The following PSD variants were observed in gnomAD, a reference collection of about 807,000 sequenced individuals.
PSD encodes the protein PH and SEC7 domain-containing protein 1.
In PSD, 32 loss-of-function variants were observed where a neutral mutation model predicts 91.6. The ratio of observed to expected loss-of-function variants is 0.35; its 90% CI spans 0.26 to 0.47. The LOEUF (loss-of-function observed/expected upper bound fraction) is 0.47, where lower values mean the gene tolerates loss of function less well. PSD is among the 20% of genes least tolerant of loss of function. The pLI is 1.00. For missense variants in PSD, 1,099 were observed against 1,373.9 expected (o/e 0.80, Z 3.16); for synonymous variants, 532 against 569.3 (o/e 0.93, Z 0.93).
At position 102,409,260 on chromosome 10, in the gene PSD, G is replaced by T; in HGVS notation, c.2091+1598C>A. On this transcript the variant is annotated intron_variant, in intron 10 of 16. Transcript: ENST00000020673. This position sits in a 1 kb window ranked among gnomAD's most constrained non-coding sequence, Gnocchi z 5.7. ...GACGCACGGAGTGCGCGGCGGCGGC[G>T]GCGGCGCTGTCTGCTCTGCGGCTTG... is the stretch of plus-strand genomic sequence containing the variant. 6.1e-6 allele frequency: 6 copies of T among 985,294 alleles called. No homozygotes were observed. Among genetic ancestry groups the T allele is most frequent in the African/African-American group, 1.7e-5 (1 of 57,234 alleles). The allele number at this position is 985,294 out of a possible 1,614,324, so 61.0% of individuals were successfully genotyped here. A position where few individuals can be genotyped will look rare whatever the true frequency, so the allele number is the denominator to read the frequency against.
chr10:102,413,162 C>T (rs1417037622), intron 5 of PSD, among the ~76,000 whole-genome samples: 1 of 152,136 alleles, frequency 6.6e-6, no homozygotes, highest in Non-Finnish European at 1.5e-5. Flanking sequence ...CCCAGCTGCT[C>T]TACTCGCAAA....
chr10:102,418,050 CACACACACAA>C (rs1350474547), intron 1 of PSD, among the ~76,000 whole-genome samples: 1 of 87,994 alleles, frequency 1.1e-5, no homozygotes, highest in Non-Finnish European at 2.1e-5. Flanking sequence ...CAGGCACCTA[CACACACACAA>C]ACACACACAC....
chr10:102,416,923 A>G lies in PSD; in HGVS notation c.116T>C (p.Met39Thr), dbSNP rs2135461834. The change falls in exon 2 of 17, where the codon ATG becomes ACG. Residue 39 changes from methionine (M) to threonine (T), a missense_variant. By Grantham distance (81) the Met-to-Thr change is moderately conservative. Around this residue, in one of 3 missense-constraint regions of PSD, gnomAD observed 631 missense variants for 728.8 expected, o/e 0.87. Coordinates refer to ENST00000020673, the MANE Select transcript of PSD (RefSeq NM_002779.5). The surrounding 1 kb of genome is among the most constrained non-coding windows in gnomAD (Gnocchi z 6.0). ...GPVPQSPPAS[M>T]YGSTGSLLRR... ...TAGCAAGGAGCCTGTGCTGCCATAC[A>G]TGCTGGCTGGGGGGCTCTGGGGCAC... 1.2e-6 allele frequency: 2 copies of G among 1,606,584 alleles called. No homozygotes were observed. The highest frequency in any genetic ancestry group is 4.5e-5 in the East Asian group (2 of 44,852).
At chr10:102,406,609 A>G (rs555988117) in intron 11 of PSD, among the ~76,000 whole-genome samples, 124 of 150,292 alleles carry the variant, frequency 8.3e-4, no homozygotes, top group Admixed American at 1.6e-3. Context: ...TCGGGTTCAC[A>G]GCATTCTCCT....
Position 102,410,116 on chromosome 10 carries a change from G to A in PSD, c.2091+742C>T, listed in dbSNP as rs2061409520. On this transcript the variant is annotated intron_variant, in intron 10 of 16. Transcript: ENST00000020673. This position sits in a 1 kb window ranked among gnomAD's most constrained non-coding sequence, Gnocchi z 6.0. The stretch of plus-strand genomic sequence containing the variant: ...GACAATCCTGTGCTGTTACATGTAT[G>A]TAGTGGAGCAGAGACACCTTTGTCC... 6.6e-6 allele frequency among the ~76,000 whole-genome samples: 1 copy of A among 152,228 alleles called. No homozygotes were observed. The highest frequency in any genetic ancestry group is 6.5e-5 in the Admixed American group (1 of 15,294).
upstream of PSD, chr10:102,418,851 TC>T (rs1482836128): frequency 1.1e-5 from 3 of 279,896 alleles, no homozygotes; most frequent in Admixed American, 3.6e-5. Flanking sequence ...GCAACGCTAA[TC>T]CCCCCCACCC....
intron 6 of PSD, 23 bp downstream of exon 6, chr10:102,412,358 C>G (rs751553899): frequency 1.9e-6 from 3 of 1,612,164 alleles, no homozygotes; most frequent in Non-Finnish European, 2.5e-6. Context: ...CCCCCATCCT[C>G]AGTCCCAGCC....
Position 102,404,032 on chromosome 10 carries a change from G to C in PSD, c.2701-47C>G, listed in dbSNP as rs1440863869. The C allele has an allele frequency of 2.7e-6, 4 of 1,482,096 alleles. No homozygotes were observed. In the Admixed American group the frequency reaches 9.0e-5, roughly 34 times the overall value. The allele number at this position is 1,482,096 out of a possible 1,614,324, so 91.8% of individuals were successfully genotyped here. A position where few individuals can be genotyped will look rare whatever the true frequency, so the allele number is the denominator to read the frequency against. On this transcript the variant is annotated intron_variant, in intron 15 of 16. Coordinates refer to ENST00000020673, the MANE Select transcript of PSD (RefSeq NM_002779.5). This position sits in a 1 kb window ranked among gnomAD's most constrained non-coding sequence, Gnocchi z 5.7. ...GGTCATGGTCACTCTGCCCTATACA[G>C]TGCCTCTGCAGATTTTTAAAAAGAT...
In PSD at chr10:102,416,493, C is replaced by T; in HGVS notation, c.546G>A (p.Gln182=). ...NLVHGPPAPP[Q]VGADGLYSSL... is the part of the protein sequence containing the mutation. ...AGGAGTAAAGGCCATCTGCTCCAAC[C>T]TGGGGTGGGGCTGGCGGCCCATGTA... Residue 182 remains glutamine (Q), a synonymous_variant, in exon 2 of 17, where the codon CAG becomes CAA. Coordinates refer to ENST00000020673, the MANE Select transcript of PSD (RefSeq NM_002779.5). The surrounding 1 kb of genome is among the most constrained non-coding windows in gnomAD (Gnocchi z 6.0). 2 of 1,613,398 alleles carry T rather than the reference C, an allele frequency of 1.2e-6. No individual in the cohort carries two copies. The highest frequency in any genetic ancestry group is 1.7e-6 in the Non-Finnish European group (2 of 1,179,746).
At position 102,416,110 on chromosome 10, in the gene PSD, A is replaced by T; in HGVS notation, c.664T>A (p.Trp222Arg). Reference protein sequence around the residue: ...DTGFLNQGDTWSSPREVSSHA... With the variant: ...DTGFLNQGDTRSSPREVSSHA... ...GAGGAGACTTCCCGGGGGGAGGACC[A>T]GGTATCCCCCTGAGCCAACGAGGGA... is the stretch of plus-strand genomic sequence containing the variant. Residue 222 changes from tryptophan (W) to arginine (R), a missense_variant, in exon 3 of 17, where the codon TGG (tryptophan) becomes AGG (arginine). Physicochemically the swap from Trp to Arg is moderately radical, Grantham distance 101. Around this residue, in one of 3 missense-constraint regions of PSD, gnomAD observed 631 missense variants for 728.8 expected, o/e 0.87. Coordinates refer to ENST00000020673, the MANE Select transcript of PSD (RefSeq NM_002779.5). This position sits in a 1 kb window ranked among gnomAD's most constrained non-coding sequence, Gnocchi z 6.0. 1 of 1,612,376 alleles carries T rather than the reference A, an allele frequency of 6.2e-7. No individual in the cohort carries two copies. The highest frequency in any genetic ancestry group is 8.5e-7 in the Non-Finnish European group (1 of 1,178,684).
intron 3 of PSD, among the ~76,000 whole-genome samples, chr10:102,415,690 G>A (rs774802438): frequency 7.2e-5 from 11 of 152,262 alleles, no homozygotes; most frequent in South Asian, 4.1e-4. Flanking sequence ...TTGGACTCCT[G>A]GCTTTGAGCA....
chr10:102,403,810 G>T lies in PSD; in HGVS notation c.2844+32C>A, dbSNP rs1030703949. 6.2e-7 allele frequency: 1 copy of T among 1,600,330 alleles called. No individual in the cohort carries two copies. The highest frequency in any genetic ancestry group is 1.1e-5 in the South Asian group (1 of 89,062). ...CCTTCACCCTAGTATGGGCCTGCGT[G>T]TGTGGACAGAGGGGCAGACAGGGAG... On this transcript the variant is annotated intron_variant, in intron 16 of 16. Transcript: ENST00000020673. This position sits in a 1 kb window ranked among gnomAD's most constrained non-coding sequence, Gnocchi z 6.7.
chr10:102,416,007 C>G lies in PSD; in HGVS notation c.757+10G>C, dbSNP rs774785174. The G allele has an allele frequency of 6.2e-7, 1 of 1,608,776 alleles. No homozygotes were observed. Among genetic ancestry groups the G allele is most frequent in the East Asian group, 2.2e-5 (1 of 44,710 alleles). On this transcript the variant is annotated intron_variant, in intron 3 of 16. Coordinates refer to ENST00000020673, the MANE Select transcript of PSD (RefSeq NM_002779.5). The surrounding 1 kb of genome is among the most constrained non-coding windows in gnomAD (Gnocchi z 6.0). ...TGCCCTGTTCTCCCTGCCTCAGTCCCAGGCCTTACCTGAGCTGGGGGGGTC... is the reference window on the plus strand; with the variant it reads ...TGCCCTGTTCTCCCTGCCTCAGTCCGAGGCCTTACCTGAGCTGGGGGGGTC...
In PSD at chr10:102,414,924, C is replaced by A. The variant is rs1046878452; in HGVS notation, c.1063G>T (p.Asp355Tyr). ...ACATCTTCTTCCCCACCTGCCTCAT[C>A]GTCGTCCTCATCCTCATTGCCACTG... ...LGSGNEDEDD[D>Y]EAGGEEDVDD... The change falls in exon 4 of 17, where the codon GAT becomes TAT. Residue 355 changes from aspartate (D) to tyrosine (Y), a missense_variant. Physicochemically the swap from Asp to Tyr is radical, Grantham distance 160. Coordinates refer to ENST00000020673, the MANE Select transcript of PSD (RefSeq NM_002779.5). The surrounding 1 kb of genome is among the most constrained non-coding windows in gnomAD (Gnocchi z 5.6). The A allele has an allele frequency of 6.5e-7, 1 of 1,526,802 alleles. No homozygotes were observed. The highest frequency in any genetic ancestry group is 1.3e-5 in the South Asian group (1 of 79,656). 94.6% of individuals were successfully genotyped at this position (1,526,802 alleles called of 1,614,324 possible).
Position 102,416,681 on chromosome 10 carries a change from G to A in PSD, c.358C>T (p.Pro120Ser). The A allele has an allele frequency of 1.2e-6, 2 of 1,609,746 alleles. No individual in the cohort carries two copies. Among genetic ancestry groups the A allele is most frequent in the South Asian group, 2.2e-5 (2 of 90,526 alleles). Residue 120 changes from proline to serine, a missense_variant, in exon 2 of 17, where the codon CCA becomes TCA. Around this residue, in one of 3 missense-constraint regions of PSD, gnomAD observed 631 missense variants for 728.8 expected, o/e 0.87. Transcript: ENST00000020673. This position sits in a 1 kb window ranked among gnomAD's most constrained non-coding sequence, Gnocchi z 6.0. ...TCCCAGCTCCGACTCAAGCCCCCTG[G>A]AGCAGGTAGCCCATTCAGTGGCCTC... ...SVRPLNGLPAPGGLSRSWDLG... is the reference protein window; with the variant it reads ...SVRPLNGLPASGGLSRSWDLG...
rs1487041897 is a variant in PSD, at chr10:102,414,646, CCT to C, written c.1124+215_1124+216del. 2.0e-5 allele frequency among the ~76,000 whole-genome samples: 3 copies of C among 152,212 alleles called. No homozygotes were observed. The highest frequency in any genetic ancestry group is 2.9e-5 in the Non-Finnish European group (2 of 68,032). ...TGGCCTCTGGCCTCTCACCCTGCCC[CCT>C]GTTCTGCTAGAACCCCTGGCCTCTT... is the stretch of plus-strand genomic sequence containing the variant. On this transcript the variant is annotated intron_variant, in intron 4 of 16. Coordinates refer to ENST00000020673, the MANE Select transcript of PSD (RefSeq NM_002779.5). This position sits in a 1 kb window ranked among gnomAD's most constrained non-coding sequence, Gnocchi z 5.6.
At chr10:102,415,318 A>T in intron 3 of PSD, 89 bp from the exon 4 acceptor site, 2 of 1,426,252 alleles carry the variant, frequency 1.4e-6, no homozygotes, top group East Asian at 2.4e-5. Context: ...CCACTGCCTC[A>T]TATTGACAGG....
chr10:102,403,953 C>T lies in PSD; in HGVS notation c.2733G>A (p.Leu911=), dbSNP rs144490999. The T allele has an allele frequency of 3.2e-5, 50 of 1,574,372 alleles. No individual in the cohort carries two copies. In the African/African-American group the frequency reaches 5.5e-4, roughly 17 times the overall value. Residue 911 remains leucine (L), a synonymous_variant, in exon 16 of 17, where the codon CTG becomes CTA. Transcript: ENST00000020673. The surrounding 1 kb of genome is among the most constrained non-coding windows in gnomAD (Gnocchi z 6.7). The part of the protein sequence containing the change: ...EEQVRTHEAK[L]KAMASELREH... ...CCCGCAGCTCACTTGCCATGGCCTT[C>T]AGCTTGGCCTCGTGGGTCCGCACCT...
At position 102,410,960 on chromosome 10, in the gene PSD, A is replaced by G. The variant is rs780529102; in HGVS notation, c.2002-13T>C. 2.5e-6 allele frequency: 4 copies of G among 1,612,640 alleles called. No individual in the cohort carries two copies. Among genetic ancestry groups the G allele is most frequent in the Admixed American group, 3.3e-5 (2 of 60,016 alleles). On this transcript the variant is annotated splice_polypyrimidine_tract_variant and intron_variant, in intron 9 of 16. Coordinates refer to ENST00000020673, the MANE Select transcript of PSD (RefSeq NM_002779.5). This position sits in a 1 kb window ranked among gnomAD's most constrained non-coding sequence, Gnocchi z 6.0. ...GCTTCCCGATGTTCTAAGGAAGGGA[A>G]CGGAGGCCTGTGAGTTTGGAGGGCC...
Sources: gnomAD v4.1 joint callset for allele counts (sites outside exome capture counted in the v4.1 genomes callset) on GRCh38, gnomAD v4.1.1 for gene constraint, gnomAD v4.1.1 regional missense constraint, Gnocchi (gnomAD v3.1) non-coding constraint, MANE v1.5 for transcripts, NCBI Gene and HGNC (gene_info 2026-07-23, HGNC 2026-07-21) for gene names.